Variants in ZCCHC8 observed in about 807,000 individuals in gnomAD.
ZCCHC8 encodes zinc finger CCHC-type containing 8.
A neutral mutation model predicts 70.6 loss-of-function variants in ZCCHC8; 27 were observed. The ratio of observed to expected loss-of-function variants is 0.38; its 90% confidence interval spans 0.28 to 0.53. ZCCHC8 has a LOEUF of 0.53. ZCCHC8 is among the 20% of genes least tolerant of loss of function. The pLI, the probability that ZCCHC8 is intolerant of heterozygous loss-of-function variation, is 0.81. For synonymous variants in ZCCHC8, 293 were observed against 317.4 expected, an observed-to-expected ratio of 0.92 and a Z score of 0.82; for missense variants, 737 against 876.9, an observed-to-expected ratio of 0.84 and a Z score of 2.01.
intron 2 of ZCCHC8, among the ~76,000 whole-genome samples, chr12:122,497,313 G>A (rs1384420053): frequency 6.6e-6 from 1 of 151,788 alleles, no homozygotes; most frequent in Non-Finnish European, 1.5e-5. Context: ...AGGTTGAGGT[G>A]GACAGATCAC....
At chr12:122,486,979 C>T (rs143661592) in intron 5 of ZCCHC8, among the ~76,000 whole-genome samples, 20 of 152,314 alleles carry the variant, frequency 1.3e-4, no homozygotes, top group Non-Finnish European at 2.4e-4. Context: ...CTAAGAGCAC[C>T]TTCATGAGTA....
At chr12:122,477,157 G>A (rs1285129872) in intron 13 of ZCCHC8, among the ~76,000 whole-genome samples, 1 of 151,026 alleles carries the variant, frequency 6.6e-6, no homozygotes, top group African/African-American at 2.4e-5. Flanking sequence ...TTTAATTCAT[G>A]ATCTTTTTTT....
intron 10 of ZCCHC8, chr12:122,480,544 T>C: frequency 2.9e-6 from 1 of 341,922 alleles, no homozygotes; most frequent in Non-Finnish European, 5.3e-6. Flanking sequence ...CCATCTTGGC[T>C]CACTACAGCT....
chr12:122,486,798 G>C lies in ZCCHC8; in HGVS notation c.501+2588C>G, dbSNP rs112129743. On this transcript the variant is annotated intron_variant, in intron 5 of 13. Transcript: ENST00000633063. ...TTGGCCAGGCTGGTCTCCAACTCCT[G>C]ACCTCAGGTGATCCACCTGCCTTGG... Among the ~76,000 whole-genome samples the C allele has an allele frequency of 4.8e-3, 724 of 152,224 alleles. 6 individuals carry two copies. The highest frequency in any genetic ancestry group is 0.016 in the South Asian group (79 of 4,822).
chr12:122,497,876 G>GACAC (rs1363291959), intron 2 of ZCCHC8, among the ~76,000 whole-genome samples: 1 of 152,018 alleles, frequency 6.6e-6, no homozygotes, highest in Non-Finnish European at 1.5e-5. Context: ...GGGTGTGGTG[G>GACAC]TGTCTGCCTG....
intron 2 of ZCCHC8, among the ~76,000 whole-genome samples, chr12:122,497,257 G>A (rs1339668601): frequency 6.6e-6 from 1 of 151,890 alleles, no homozygotes; most frequent in Non-Finnish European, 1.5e-5. Context: ...AAGTTCATGT[G>A]AGGCCAGGTG....
intron 8 of ZCCHC8, 85 bp from the exon 9 acceptor site, chr12:122,482,172 CA>C: frequency 1.5e-6 from 2 of 1,371,648 alleles, no homozygotes; most frequent in Non-Finnish European, 1.9e-6. Context: ...TTTTTTAGAT[CA>C]AGTAAACAGA....
rs1298771428 is a variant in ZCCHC8, at chr12:122,478,470, G to A, written c.1141-178C>T. ...TGTTGAAGGAAAACTAAACTTGCCT[G>A]CAAAATAATTAAGACTGAATACTAA... On this transcript the variant is annotated intron_variant, in intron 11 of 13. Coordinates refer to ENST00000633063, the MANE Select transcript of ZCCHC8 (RefSeq NM_017612.5). The A allele has an allele frequency of 1.5e-4, 88 of 571,188 alleles. No individual in the cohort carries two copies. In the East Asian group the frequency reaches 2.5e-3, roughly 16 times the overall value. The allele number at this position is 571,188 out of a possible 1,614,324, so 35.4% of individuals were successfully genotyped here. A position where few individuals can be genotyped will look rare whatever the true frequency, so the allele number is the denominator to read the frequency against.
chr12:122,484,378 G>C (rs185358268), intron 5 of ZCCHC8, among the ~76,000 whole-genome samples: 1 of 151,018 alleles, frequency 6.6e-6, no homozygotes, highest in Non-Finnish European at 1.5e-5. Context: ...GATTACAGCC[G>C]TGAACCACTG....
intron 5 of ZCCHC8, among the ~76,000 whole-genome samples, chr12:122,486,539 A>C (rs547133289): frequency 2.0e-5 from 3 of 152,034 alleles, no homozygotes; most frequent in South Asian, 2.1e-4. Flanking sequence ...CACAACCTAC[A>C]GATTCAGACC....
At chr12:122,475,618 C>T (rs550286975) in intron 13 of ZCCHC8, among the ~76,000 whole-genome samples, 53 of 152,278 alleles carry the variant, frequency 3.5e-4, no homozygotes, top group Admixed American at 9.8e-4. Flanking sequence ...CTGCCACAGC[C>T]GCTACCTTGC....
rs369939408 is a variant in ZCCHC8 at position 122,474,142 on chromosome 12, C to T, written c.1479G>A (p.Pro493=). 286 of 1,506,812 alleles carry T rather than the reference C, an allele frequency of 1.9e-4. No homozygotes were observed. In the African/African-American group the frequency reaches 3.7e-3, roughly 19 times the overall value. 93.3% of individuals were successfully genotyped at this position (1,506,812 alleles called of 1,614,324 possible). Reference sequence around the variant, plus strand: ...GGGGTGAGTCACTGGGAGTCAGCGGCGGGGTGCCCTTTGGGAGTGGAGGGG... The same window carrying T: ...GGGGTGAGTCACTGGGAGTCAGCGGTGGGGTGCCCTTTGGGAGTGGAGGGG... The part of the protein sequence containing the change: ...VFTPPLPKGT[P]PLTPSDSPQT... The change falls in exon 14 of 14, where the codon CCG becomes CCA. Residue 493 remains proline, a synonymous_variant. Coordinates refer to ENST00000633063, the MANE Select transcript of ZCCHC8 (RefSeq NM_017612.5).
Position 122,500,503 on chromosome 12 carries a change from A to G in ZCCHC8, c.199+139T>C. ...TAGACTCTCGGTCCGCCGGCGGGTG[A>G]CAGAAAGCACTTGGAATTCTGGCCC... On this transcript the variant is annotated intron_variant, in intron 1 of 13. Transcript: ENST00000633063. The surrounding 1 kb of genome is among the most constrained non-coding windows in gnomAD (Gnocchi z 4.8). The G allele has an allele frequency of 8.8e-7, 1 of 1,130,640 alleles. No individual in the cohort carries two copies. Among genetic ancestry groups the G allele is most frequent in the South Asian group, 1.6e-5 (1 of 61,474 alleles). The allele number at this position is 1,130,640 out of a possible 1,614,324, so 70.0% of individuals were successfully genotyped here. A position where few individuals can be genotyped will look rare whatever the true frequency, so the allele number is the denominator to read the frequency against.
intron 5 of ZCCHC8, among the ~76,000 whole-genome samples, chr12:122,486,321 G>A (rs1406722946): frequency 1.3e-5 from 2 of 148,184 alleles, no homozygotes; most frequent in Admixed American, 6.9e-5. Flanking sequence ...GCTGAGGCAG[G>A]AGAATTGCTT....
intron 5 of ZCCHC8, among the ~76,000 whole-genome samples, chr12:122,488,318 C>T (rs533077117): frequency 2.0e-5 from 3 of 151,952 alleles, no homozygotes; most frequent in South Asian, 4.2e-4. Context: ...AGGTGTGAGC[C>T]ACTTCGCCCA....
At chr12:122,479,221 G>A (rs1465998248) in intron 11 of ZCCHC8, among the ~76,000 whole-genome samples, 3 of 152,076 alleles carry the variant, frequency 2.0e-5, no homozygotes, top group African/African-American at 4.8e-5. Context: ...GATTATAGGC[G>A]CCTGCCACCA....
chr12:122,483,200 C>G lies in ZCCHC8; in HGVS notation c.671+79G>C. On this transcript the variant is annotated intron_variant, in intron 7 of 13. Coordinates refer to ENST00000633063, the MANE Select transcript of ZCCHC8 (RefSeq NM_017612.5). The surrounding 1 kb of genome is among the most constrained non-coding windows in gnomAD (Gnocchi z 4.4). ...CTTAGAGTAAACCAGCAGTAAAGAA[C>G]ATGAACTTTTCAAGCCAAAAGTTTA... The G allele has an allele frequency of 7.5e-7, 1 of 1,329,606 alleles. No homozygotes were observed. Among genetic ancestry groups the G allele is most frequent in the Non-Finnish European group, 1.0e-6 (1 of 955,862 alleles). 82.4% of individuals were successfully genotyped at this position (1,329,606 alleles called of 1,614,324 possible).
chr12:122,497,391 A>C (rs888100399), intron 2 of ZCCHC8, among the ~76,000 whole-genome samples: 12 of 151,490 alleles, frequency 7.9e-5, no homozygotes, highest in Non-Finnish European at 1.3e-4. Context: ...AATATATAAA[A>C]ATTAGCCGAG....
intron 5 of ZCCHC8, among the ~76,000 whole-genome samples, chr12:122,488,330 C>T (rs1957680484): frequency 6.6e-6 from 1 of 151,990 alleles, no homozygotes. Flanking sequence ...CTTCGCCCAG[C>T]CACACTTGGC....
Sources: allele counts gnomAD v4.1 joint callset (sites outside exome capture counted in the v4.1 genomes callset), GRCh38; gene constraint gnomAD v4.1.1; non-coding constraint Gnocchi (gnomAD v3.1); transcripts MANE v1.5; gene names NCBI Gene and HGNC (gene_info 2026-07-23, HGNC 2026-07-21).